NRG3: variants seen among roughly 807,000 people sequenced by gnomAD.
NRG3 encodes the protein neuregulin 3, also known as pro-neuregulin-3, membrane-bound isoform.
A neutral mutation model predicts 66.9 loss-of-function variants in NRG3; 31 were observed. The observed-to-expected ratio is 0.46, with a 90% CI of 0.35 to 0.63. The LOEUF is 0.63. Among genes scored for constraint, NRG3 ranks in the 20% least tolerant of loss-of-function variants. NRG3 has a pLI of 0.00. For synonymous variants in NRG3, 393 were observed against 359.4 expected (o/e 1.09, Z -1.06); for missense variants, 910 against 878.9 (o/e 1.04, Z -0.45).
intron 1 of NRG3, among the ~76,000 whole-genome samples, chr10:82,227,199 C>T (rs953860474): frequency 6.6e-6 from 1 of 152,108 alleles, no homozygotes; most frequent in Middle Eastern, 3.2e-3. Flanking sequence ...AGTGCAGGAG[C>T]GCTTCAGTTC....
intron 2 of NRG3, among the ~76,000 whole-genome samples, chr10:82,381,635 G>A (rs903765975): frequency 1.3e-4 from 20 of 152,098 alleles, no homozygotes; most frequent in African/African-American, 4.8e-4. Context: ...TACTCTATTT[G>A]TGAGATTTAT....
At chr10:82,134,680 AG>A (rs1173397415) in intron 1 of NRG3, among the ~76,000 whole-genome samples, 1 of 152,142 alleles carries the variant, frequency 6.6e-6, no homozygotes, top group Non-Finnish European at 1.5e-5. Flanking sequence ...TATAGTTTGA[AG>A]GTGGGCAACA....
chr10:81,967,711 A>T (rs2059783672), intron 1 of NRG3, among the ~76,000 whole-genome samples: 2 of 152,128 alleles, frequency 1.3e-5, no homozygotes, highest in Admixed American at 1.3e-4. Flanking sequence ...GTTCCATAAA[A>T]GTTAATGTCT....
intron 1 of NRG3, among the ~76,000 whole-genome samples, chr10:82,061,842 T>TTCTCTCTC (rs72439199): frequency 0.19 from 27,093 of 145,738 alleles, 2,584 homozygotes; most frequent in Middle Eastern, 0.27. Context: ...CAGTGTCCCT[T>TTCTCTCTC]TCTCTCTCTC....
At chr10:82,734,896 T>C (rs1343257688) in intron 2 of NRG3, among the ~76,000 whole-genome samples, 1 of 151,190 alleles carries the variant, frequency 6.6e-6, no homozygotes, top group African/African-American at 2.4e-5. Flanking sequence ...TGCACAATTG[T>C]AGTTTCAGCT....
At chr10:82,896,060 T>G (rs1429041894) in intron 4 of NRG3, among the ~76,000 whole-genome samples, 1 of 152,124 alleles carries the variant, frequency 6.6e-6, no homozygotes, top group Non-Finnish European at 1.5e-5. Context: ...GGCTACAAAG[T>G]GTTGGCGTTT....
intron 3 of NRG3, among the ~76,000 whole-genome samples, chr10:82,787,663 A>C (rs2060424519): frequency 6.6e-6 from 1 of 152,186 alleles, no homozygotes; most frequent in African/African-American, 2.4e-5. Context: ...CTGCAAGCTT[A>C]AGAAATTGGT....
chr10:82,529,104 A>G (rs955108959), intron 2 of NRG3, among the ~76,000 whole-genome samples: 2 of 152,234 alleles, frequency 1.3e-5, no homozygotes, highest in South Asian at 2.1e-4. Flanking sequence ...GAAGTCGCAC[A>G]TCTTTCTTTT....
chr10:81,983,243 A>G (rs1454162175), intron 1 of NRG3, among the ~76,000 whole-genome samples: 3 of 152,348 alleles, frequency 2.0e-5, no homozygotes, highest in East Asian at 3.9e-4. Context: ...TTGGCTAGGA[A>G]TATCAGATGA....
intron 2 of NRG3, among the ~76,000 whole-genome samples, chr10:82,540,735 G>T (rs1461624520): frequency 6.6e-6 from 1 of 152,142 alleles, no homozygotes; most frequent in Admixed American, 6.5e-5. Context: ...CACTATTGGA[G>T]AAAAGATTGA....
At chr10:81,920,192 G>T (rs1392881987) in intron 1 of NRG3, among the ~76,000 whole-genome samples, 1 of 152,126 alleles carries the variant, frequency 6.6e-6, no homozygotes, top group Non-Finnish European at 1.5e-5. Flanking sequence ...CTGGGAAAAG[G>T]AGGGCTGGAA....
At chr10:82,161,981 T>G (rs56938171) in intron 1 of NRG3, among the ~76,000 whole-genome samples, 10,154 of 152,176 alleles carry the variant, frequency 0.067, 1,157 homozygotes, top group African/African-American at 0.23. Context: ...CTCTTGATCA[T>G]TCTCAATATC....
intron 7 of NRG3, 79 bp from the exon 8 acceptor site, chr10:82,978,871 G>T: frequency 6.9e-7 from 1 of 1,453,628 alleles, no homozygotes; most frequent in Non-Finnish European, 9.4e-7. Context: ...TGTTTGCAAA[G>T]CTTGAGCAGC....
At chr10:82,248,779 T>A (rs528931244) in intron 1 of NRG3, among the ~76,000 whole-genome samples, 45 of 152,322 alleles carry the variant, frequency 3.0e-4, no homozygotes, top group Non-Finnish European at 6.0e-4. Flanking sequence ...GCAGTCAAAT[T>A]ATTGTAAAAC....
intron 2 of NRG3, among the ~76,000 whole-genome samples, chr10:82,610,265 C>T (rs2048226655): frequency 6.6e-6 from 1 of 151,506 alleles, no homozygotes; most frequent in Non-Finnish European, 1.5e-5. Flanking sequence ...TGGACAAACT[C>T]TCTACTTTAG....
intron 4 of NRG3, among the ~76,000 whole-genome samples, chr10:82,878,820 G>A (rs562422648): frequency 1.3e-5 from 2 of 152,176 alleles, no homozygotes; most frequent in African/African-American, 4.8e-5. Flanking sequence ...CTTTTTAATG[G>A]ATTTAGAATG....
At chr10:81,922,250 T>C (rs1042502593) in intron 1 of NRG3, among the ~76,000 whole-genome samples, 3 of 152,224 alleles carry the variant, frequency 2.0e-5, no homozygotes, top group Middle Eastern at 3.2e-3. Context: ...TAACAAATCC[T>C]CCTATGATAA....
rs1201594769 is a variant in NRG3, at chr10:82,597,657, T to C, written c.954-140920T>C. Reference sequence around the variant, plus strand: ...CTACTTGCTGGCCGGGAGCAGTTGCTCATGCCTGTAATCCCAGCACTTTGG... The same window carrying C: ...CTACTTGCTGGCCGGGAGCAGTTGCCCATGCCTGTAATCCCAGCACTTTGG... On this transcript the variant is annotated intron_variant, in intron 2 of 8. Coordinates refer to ENST00000372141, the MANE Select transcript of NRG3 (RefSeq NM_001010848.4). Among the ~76,000 whole-genome samples, 3 of 152,214 alleles carry C rather than the reference T, an allele frequency of 2.0e-5. No individual in the cohort carries two copies. The South Asian group carries it at 6.2e-4, about 32-fold the overall frequency.
At chr10:82,807,326 G>A (rs72831331) in intron 3 of NRG3, among the ~76,000 whole-genome samples, 11,022 of 152,160 alleles carry the variant, frequency 0.072, 396 homozygotes, top group Middle Eastern at 0.11. Context: ...ACATCAATTT[G>A]AGCAAGTAAA....
Sources: gnomAD v4.1 joint callset for allele counts (sites outside exome capture counted in the v4.1 genomes callset) on GRCh38, gnomAD v4.1.1 for gene constraint, MANE v1.5 for transcripts, NCBI Gene and HGNC (gene_info 2026-07-23, HGNC 2026-07-21) for gene names.